Variants in TGFBR3 observed in about 807,000 individuals in gnomAD.
TGFBR3 encodes transforming growth factor beta receptor 3, also known as transforming growth factor beta receptor type 3.
TGFBR3 carries 46 observed loss-of-function variants against 87.9 expected under a neutral mutation model. That is an observed-to-expected ratio of 0.52 (90% CI 0.41 to 0.67). TGFBR3 has a LOEUF of 0.67. Ranked by LOEUF, TGFBR3 falls within the 30% of genes least tolerant of loss-of-function variation. The pLI is 0.00. For missense variants in TGFBR3, 866 were observed against 1,041.9 expected, an observed-to-expected ratio of 0.83 and a Z score of 2.32; for synonymous variants, 381 against 391.6, an observed-to-expected ratio of 0.97 and a Z score of 0.32.
intron 2 of TGFBR3, among the ~76,000 whole-genome samples, chr1:91,854,170 G>A (rs1004947342): frequency 3.9e-5 from 6 of 152,182 alleles, no homozygotes; most frequent in Non-Finnish European, 8.8e-5. Flanking sequence ...ACACCATGGT[G>A]ACTATAGTTA....
At position 91,851,443 on chromosome 1, in the gene TGFBR3, G is replaced by A. The variant is rs141837729; in HGVS notation, c.61+10028C>T. ...ATCATGCGCCTCGGTGCTGAGCAGG[G>A]TCAGTCCTAAAGGAAGGCCTCTTGC... On this transcript the variant is annotated intron_variant, in intron 2 of 16. Coordinates refer to ENST00000212355, the MANE Select transcript of TGFBR3 (RefSeq NM_003243.5). Among the ~76,000 whole-genome samples the A allele has an allele frequency of 3.8e-3, 579 of 152,314 alleles. 3 individuals are homozygous for A. The highest frequency in any genetic ancestry group is 0.013 in the African/African-American group (558 of 41,562).
At chr1:91,777,023 C>T (rs1472203844) in intron 3 of TGFBR3, among the ~76,000 whole-genome samples, 1 of 152,186 alleles carries the variant, frequency 6.6e-6, no homozygotes, top group Non-Finnish European at 1.5e-5. Context: ...TCTGAGGTTA[C>T]CCCAAATCTC....
At chr1:91,744,221 A>G (rs1673254636) in intron 4 of TGFBR3, among the ~76,000 whole-genome samples, 1 of 151,222 alleles carries the variant, frequency 6.6e-6, no homozygotes, top group Admixed American at 6.6e-5. Context: ...AGTAGCTGGG[A>G]TTACAGGCAC....
intron 14 of TGFBR3, among the ~76,000 whole-genome samples, chr1:91,702,001 T>C (rs938048104): frequency 7.2e-5 from 11 of 152,204 alleles, no homozygotes; most frequent in African/African-American, 2.7e-4. Context: ...GTGATTTTTA[T>C]TCCAGGGGAC....
chr1:91,716,749 C>G, intron 10 of TGFBR3, 41 bp from the exon 11 acceptor site: 1 of 1,613,032 alleles, frequency 6.2e-7, no homozygotes, highest in Non-Finnish European at 8.5e-7. Flanking sequence ...ATAAAAACAC[C>G]AAACCATGTG....
intron 2 of TGFBR3, among the ~76,000 whole-genome samples, chr1:91,895,572 T>C (rs1679536589): frequency 6.6e-6 from 1 of 152,224 alleles, no homozygotes; most frequent in African/African-American, 2.4e-5. Flanking sequence ...TCCTCCCATC[T>C]TGGCCTCCCA....
chr1:91,772,506 T>C (rs915919065), intron 3 of TGFBR3, among the ~76,000 whole-genome samples: 2 of 152,152 alleles, frequency 1.3e-5, no homozygotes, highest in Admixed American at 1.3e-4. Context: ...CAATAAACAC[T>C]TGTTGAGTTT....
intron 3 of TGFBR3, among the ~76,000 whole-genome samples, chr1:91,773,600 T>C (rs1185417036): frequency 6.6e-6 from 1 of 152,172 alleles, no homozygotes; most frequent in East Asian, 1.9e-4. Context: ...GAGAATTGCA[T>C]GAATGCAGGA....
At chr1:91,750,736 T>C (rs1246441627) in intron 4 of TGFBR3, among the ~76,000 whole-genome samples, 1 of 152,164 alleles carries the variant, frequency 6.6e-6, no homozygotes, top group Non-Finnish European at 1.5e-5. Flanking sequence ...AACTGGTATA[T>C]CCGGGTCCCT....
intron 6 of TGFBR3, among the ~76,000 whole-genome samples, chr1:91,728,686 A>G (rs1672635661): frequency 6.6e-6 from 1 of 152,106 alleles, no homozygotes; most frequent in Admixed American, 6.6e-5. Flanking sequence ...ACTTTCTACA[A>G]AATTCTTCAA....
At chr1:91,862,903 CCCATAGCTA>C (rs1166851804) in intron 1 of TGFBR3, among the ~76,000 whole-genome samples, 1 of 152,076 alleles carries the variant, frequency 6.6e-6, no homozygotes, top group African/African-American at 2.4e-5. Context: ...ACAGGAGTTG[CCCATAGCTA>C]CCTTCAGAGA....
chr1:91,858,202 T>G (rs991576304), intron 2 of TGFBR3, among the ~76,000 whole-genome samples: 3 of 152,192 alleles, frequency 2.0e-5, no homozygotes, highest in African/African-American at 2.4e-5. Context: ...ATTTGAAATA[T>G]TCATCATTGT....
intron 1 of TGFBR3, among the ~76,000 whole-genome samples, chr1:91,878,893 C>T (rs765998111): frequency 3.3e-5 from 5 of 152,202 alleles, no homozygotes; most frequent in South Asian, 2.1e-4. Context: ...AGAAAGTATA[C>T]GCTTCTTTAT....
chr1:91,766,105 G>A (rs943654577), intron 3 of TGFBR3, among the ~76,000 whole-genome samples: 3 of 151,674 alleles, frequency 2.0e-5, no homozygotes, highest in African/African-American at 7.3e-5. Context: ...AGAGCTCACC[G>A]TAACCTTCAA....
chr1:91,833,145 A>G (rs1194543436), intron 2 of TGFBR3, among the ~76,000 whole-genome samples: 2 of 151,344 alleles, frequency 1.3e-5, no homozygotes, highest in Admixed American at 6.6e-5. Context: ...AAATACAAAA[A>G]ATTAACCAGT....
chr1:91,870,753 T>C (rs978595499), intron 1 of TGFBR3, among the ~76,000 whole-genome samples: 2 of 152,124 alleles, frequency 1.3e-5, no homozygotes, highest in Non-Finnish European at 2.9e-5. Context: ...TCCCAGCACT[T>C]TGGGAGGCAG....
chr1:91,860,785 A>G (rs116140408), intron 2 of TGFBR3, among the ~76,000 whole-genome samples: 2 of 151,770 alleles, frequency 1.3e-5, no homozygotes, highest in Admixed American at 6.6e-5. Context: ...TACAAATATT[A>G]TCCACGTGTA....
intron 2 of TGFBR3, among the ~76,000 whole-genome samples, chr1:91,856,394 T>C (rs2101168174): frequency 6.6e-6 from 1 of 152,154 alleles, no homozygotes; most frequent in Non-Finnish European, 1.5e-5. Flanking sequence ...AGAACAACAC[T>C]AACACTGGGA....
chr1:91,802,079 A>G (rs11165532), intron 2 of TGFBR3, among the ~76,000 whole-genome samples: 79,510 of 151,982 alleles, frequency 0.52, 20,998 homozygotes, highest in Middle Eastern at 0.63. Flanking sequence ...CAGTGTAGGA[A>G]TCAGGGGAGA....
Sources: allele counts gnomAD v4.1 joint callset (sites outside exome capture counted in the v4.1 genomes callset), GRCh38; gene constraint gnomAD v4.1.1; transcripts MANE v1.5; gene names NCBI Gene and HGNC (gene_info 2026-07-23, HGNC 2026-07-21).